Variants in CFAP74 observed in about 807,000 individuals in gnomAD.
CFAP74 encodes the protein cilia and flagella associated protein 74.
In CFAP74, 124 loss-of-function variants were observed where a neutral mutation model predicts 188.9. That is an observed-to-expected ratio of 0.66 (90% CI 0.57 to 0.76). The LOEUF (loss-of-function observed/expected upper bound fraction) is 0.76. Among genes scored for constraint, CFAP74 ranks in the 30% least tolerant of loss-of-function variants. The pLI is 0.00. For synonymous variants in CFAP74, 956 were observed against 916.7 expected (o/e 1.04, Z -0.77); for missense variants, 2,198 against 2,165.2 (o/e 1.02, Z -0.30).
Position 1,926,231 on chromosome 1 carries a change from G to A in CFAP74, c.3945C>T (p.Ile1315=), listed in dbSNP as rs1237095356. Residue 1315 remains isoleucine, a synonymous_variant, in exon 32 of 39, where the codon ATC becomes ATT. Transcript: ENST00000682832. The part of the protein sequence containing the change: ...LVLSFSPHES[I]LAQETLDIIT... ...CCAGGGTGGGCCTGGGACTCACCAGGATGCTCTCGTGGGGAGAGAAGGAAA... is the reference window on the plus strand; with the variant it reads ...CCAGGGTGGGCCTGGGACTCACCAGAATGCTCTCGTGGGGAGAGAAGGAAA... The A allele has an allele frequency of 1.3e-6, 2 of 1,507,066 alleles. No homozygotes were observed. The highest frequency in any genetic ancestry group is 1.8e-6 in the Non-Finnish European group (2 of 1,124,100). 93.4% of individuals were successfully genotyped at this position (1,507,066 alleles called of 1,614,324 possible).
chr1:1,990,779 G>A, intron 2 of CFAP74, 111 bp downstream of exon 2: 2 of 744,312 alleles, frequency 2.7e-6, no homozygotes, highest in Non-Finnish European at 4.4e-6. Context: ...AAATATGAGT[G>A]TAAAAGATAC....
At chr1:1,996,448 C>T (rs968640591) in intron 1 of CFAP74, among the ~76,000 whole-genome samples, 8 of 152,120 alleles carry the variant, frequency 5.3e-5, no homozygotes, top group African/African-American at 4.8e-5. Context: ...ACATTCTAAC[C>T]GCATGTTCAA....
At position 1,931,195 on chromosome 1, in the gene CFAP74, CG is replaced by C. The variant is rs58184248; in HGVS notation, c.3012-860del. 6.7e-3 allele frequency among the ~76,000 whole-genome samples: 1,025 copies of C among 151,970 alleles called. 10 individuals carry two copies. The highest frequency in any genetic ancestry group is 0.023 in the African/African-American group (967 of 41,424). On this transcript the variant is annotated intron_variant, in intron 25 of 38. Coordinates refer to ENST00000682832, the MANE Select transcript of CFAP74 (RefSeq NM_001304360.2). ...CTGTAATCCCAGCACTTTGGGAGGCCGAGGAGGGCGGATCACGAGGTCAGGA... is the reference window on the plus strand; with the variant it reads ...CTGTAATCCCAGCACTTTGGGAGGCCAGGAGGGCGGATCACGAGGTCAGGA...
chr1:1,995,637 C>T (rs1360677753), intron 1 of CFAP74, among the ~76,000 whole-genome samples: 2 of 150,696 alleles, frequency 1.3e-5, no homozygotes, highest in Admixed American at 1.3e-4. Context: ...AGGCCGGGCT[C>T]GGTGGCTCAC....
At chr1:1,963,183 GC>G (rs1319758930) in intron 14 of CFAP74, among the ~76,000 whole-genome samples, 2 of 152,176 alleles carry the variant, frequency 1.3e-5, no homozygotes, top group African/African-American at 2.4e-5. Context: ...AGGTGTGGTG[GC>G]TCATGCCTGT....
At chr1:1,956,907 C>T in intron 16 of CFAP74, 123 bp from the exon 17 acceptor site, 1 of 939,028 alleles carries the variant, frequency 1.1e-6, no homozygotes, top group Non-Finnish European at 1.6e-6. Flanking sequence ...GTGCACTGCA[C>T]AAGCAGGTAC....
At position 1,923,707 on chromosome 1, in the gene CFAP74, A is replaced by G; in HGVS notation, c.4389+68T>C. On this transcript the variant is annotated intron_variant, in intron 35 of 38. Coordinates refer to ENST00000682832, the MANE Select transcript of CFAP74 (RefSeq NM_001304360.2). This position sits in a 1 kb window ranked among gnomAD's most constrained non-coding sequence, Gnocchi z 6.3. Reference sequence around the variant, plus strand: ...CAGGGCCTCCAAAGTGGAGCAGTGCAGCCAAAGGCAAGGCCCTGCGTGGGG... The same window carrying G: ...CAGGGCCTCCAAAGTGGAGCAGTGCGGCCAAAGGCAAGGCCCTGCGTGGGG... 1 of 1,602,698 alleles carries G rather than the reference A, an allele frequency of 6.2e-7. No individual in the cohort carries two copies. Among genetic ancestry groups the G allele is most frequent in the Non-Finnish European group, 8.5e-7 (1 of 1,171,272 alleles).
intron 18 of CFAP74, among the ~76,000 whole-genome samples, chr1:1,950,734 T>C (rs973654720): frequency 5.7e-4 from 87 of 152,368 alleles, no homozygotes; most frequent in African/African-American, 1.6e-3. Context: ...GATTTGCTAA[T>C]GCTTTCCGCC....
chr1:1,942,276 A>G lies in CFAP74; in HGVS notation c.2487-120T>C. The G allele has an allele frequency of 2.0e-6, 2 of 1,014,296 alleles. No homozygotes were observed. The highest frequency in any genetic ancestry group is 2.7e-6 in the Non-Finnish European group (2 of 749,306). The allele number at this position is 1,014,296 out of a possible 1,614,324, so 62.8% of individuals were successfully genotyped here. ...AGCCCCCGAGAGGTGCTCAGAGCCC[A>G]CCCACTCCAAGCCATGCACGTGCAC... On this transcript the variant is annotated intron_variant, in intron 21 of 38. Coordinates refer to ENST00000682832, the MANE Select transcript of CFAP74 (RefSeq NM_001304360.2). This position sits in a 1 kb window ranked among gnomAD's most constrained non-coding sequence, Gnocchi z 4.3.
Position 1,955,818 on chromosome 1 carries a change from C to A in CFAP74, c.2049G>T (p.Leu683Phe), listed in dbSNP as rs756253346. Reference sequence around the variant, plus strand: ...AGAAGCTGGTGGCGGCTTTGTCATACAAGCTTTTATCTTCGTAGGTCAGGA... The same window carrying A: ...AGAAGCTGGTGGCGGCTTTGTCATAAAAGCTTTTATCTTCGTAGGTCAGGA... Reference protein sequence around the residue: ...SSLLTYEDKSLYDKAATSFSE... With the variant: ...SSLLTYEDKSFYDKAATSFSE... The change falls in exon 18 of 39, where the codon TTG becomes TTT. Residue 683 changes from leucine to phenylalanine, a missense_variant. Transcript: ENST00000682832. The A allele has an allele frequency of 1.2e-6, 2 of 1,613,904 alleles. No homozygotes were observed. Among genetic ancestry groups the A allele is most frequent in the Non-Finnish European group, 1.7e-6 (2 of 1,180,048 alleles).
At chr1:1,969,134 TGCCCAGTCCATCCCTGCCAA>T (rs1156817482) in intron 10 of CFAP74, among the ~76,000 whole-genome samples, 76 of 149,440 alleles carry the variant, frequency 5.1e-4, no homozygotes, top group Non-Finnish European at 8.2e-4. Context: ...AGCCCTGCCC[TGCCCAGTCCATCCCTGCCAA>T]GCCCAGTCCT....
At chr1:1,944,858 G>A (rs1168742423) in intron 20 of CFAP74, among the ~76,000 whole-genome samples, 3 of 152,058 alleles carry the variant, frequency 2.0e-5, no homozygotes, top group South Asian at 2.1e-4. Flanking sequence ...CACCCACCTC[G>A]GCCTCCCAAA....
rs745368091 is a variant in CFAP74 at position 1,973,010 on chromosome 1, G to T, written c.712C>A (p.His238Asn). ...CGGGCGTCCTCCAGCAGCTTCTGGTGCCTGAGCCCGAGCTCCTTCTGGGTG... is the reference window on the plus strand; with the variant it reads ...CGGGCGTCCTCCAGCAGCTTCTGGTTCCTGAGCCCGAGCTCCTTCTGGGTG... ...LNTQKELGLR[H>N]QKLLEDARKN... The change falls in exon 8 of 39, where the codon CAC (histidine) becomes AAC (asparagine). Residue 238 changes from histidine (H) to asparagine (N), a missense_variant. By Grantham distance (68) the His-to-Asn change is moderately conservative (BLOSUM62 1). Coordinates refer to ENST00000682832, the MANE Select transcript of CFAP74 (RefSeq NM_001304360.2). The surrounding 1 kb of genome is among the most constrained non-coding windows in gnomAD (Gnocchi z 6.2). 52 of 1,613,902 alleles carry T rather than the reference G, an allele frequency of 3.2e-5. No individual in the cohort carries two copies. Among genetic ancestry groups the T allele is most frequent in the Non-Finnish European group, 3.7e-5 (44 of 1,180,008 alleles).
At chr1:1,991,161 TG>T (rs750326064) in intron 1 of CFAP74, among the ~76,000 whole-genome samples, 186 bp from the exon 2 acceptor site, 1 of 152,222 alleles carries the variant, frequency 6.6e-6, no homozygotes, top group Non-Finnish European at 1.5e-5. Context: ...ATCAACCACA[TG>T]AAGTCCAAAC....
chr1:1,958,793 G>C (rs146173790), intron 16 of CFAP74, among the ~76,000 whole-genome samples: 2 of 150,294 alleles, frequency 1.3e-5, no homozygotes, highest in East Asian at 3.9e-4. Flanking sequence ...TAGTTAAAAA[G>C]AATCAGGCGG....
Position 1,929,676 on chromosome 1 carries a change from G to A in CFAP74, c.3288+384C>T, listed in dbSNP as rs148945643. On this transcript the variant is annotated intron_variant, in intron 26 of 38. Transcript: ENST00000682832. ...CTCTGCAGGAAAGGTAGAGTGCTGG[G>A]TGGGAGTGGCCGACACCTTGTCCTC... Among the ~76,000 whole-genome samples the A allele has an allele frequency of 2.0e-5, 3 of 151,996 alleles. No homozygotes were observed. The East Asian group carries it at 5.8e-4, about 30-fold the overall frequency.
chr1:1,935,831 G>C (rs1200261830), intron 25 of CFAP74, among the ~76,000 whole-genome samples: 1 of 151,736 alleles, frequency 6.6e-6, no homozygotes, highest in African/African-American at 2.4e-5. Flanking sequence ...AGAGGACGCA[G>C]AGCTAAGAAA....
chr1:1,977,653 C>T lies in CFAP74; in HGVS notation c.501-3455G>A, dbSNP rs941172114. Among the ~76,000 whole-genome samples, 8 of 152,168 alleles carry T rather than the reference C, an allele frequency of 5.3e-5. No homozygotes were observed. In the South Asian group the frequency reaches 6.2e-4, roughly 12 times the overall value. ...CAGACCGCAGAGGGAAGAGCCTGTC[C>T]GAGGCTGGCCTGGGCATCTGATGTG... On this transcript the variant is annotated intron_variant, in intron 6 of 38. Coordinates refer to ENST00000682832, the MANE Select transcript of CFAP74 (RefSeq NM_001304360.2).
At position 1,923,154 on chromosome 1, in the gene CFAP74, G is replaced by T; in HGVS notation, c.4523-9C>A. On this transcript the variant is annotated splice_polypyrimidine_tract_variant and intron_variant, in intron 36 of 38. Coordinates refer to ENST00000682832, the MANE Select transcript of CFAP74 (RefSeq NM_001304360.2). The surrounding 1 kb of genome is among the most constrained non-coding windows in gnomAD (Gnocchi z 6.3). ...GCCTGGCCGGGAGCTGGCTGGAGGG[G>T]TGTGGCCAGGGGAGCTGTTCAGGGT... The T allele has an allele frequency of 6.2e-7, 1 of 1,602,950 alleles. No homozygotes were observed. The highest frequency in any genetic ancestry group is 8.5e-7 in the Non-Finnish European group (1 of 1,176,326).
Sources: allele counts gnomAD v4.1 joint callset (sites outside exome capture counted in the v4.1 genomes callset), GRCh38; gene constraint gnomAD v4.1.1; non-coding constraint Gnocchi (gnomAD v3.1); transcripts MANE v1.5; gene names NCBI Gene and HGNC (gene_info 2026-07-23, HGNC 2026-07-21).